The following MYO3B variants were observed in gnomAD, a reference collection of about 807,000 sequenced individuals.
MYO3B encodes the protein myosin IIIB, also known as myosin-IIIb.
MYO3B carries 156 observed loss-of-function variants against 174.6 expected under a neutral mutation model. That is an observed-to-expected ratio of 0.89 (90% CI 0.78 to 1.02). The LOEUF is 1.02. Among genes scored for constraint, MYO3B ranks in the 50% least tolerant of loss-of-function variants. The pLI is 0.00. For missense variants in MYO3B, 1,632 were observed against 1,639.4 expected (o/e 1.00, Z 0.08); for synonymous variants, 563 against 569.1 (o/e 0.99, Z 0.15).
intron 27 of MYO3B, 115 bp from the exon 28 acceptor site, chr2:170,501,670 A>T: frequency 1.5e-6 from 1 of 660,246 alleles, no homozygotes; most frequent in Non-Finnish European, 2.7e-6. Flanking sequence ...GTTCAGTGAG[A>T]AAGCAGGAGG....
rs539947924 is a variant in MYO3B at position 170,407,665 on chromosome 2, A to G, written c.2521-50A>G. The G allele has an allele frequency of 3.1e-6, 5 of 1,609,922 alleles. No individual in the cohort carries two copies. The East Asian group carries it at 6.7e-5, about 22-fold the overall frequency. On this transcript the variant is annotated intron_variant, in intron 21 of 34. Transcript: ENST00000408978. ...GTTAGGCAAGTTGCCAGTGTCACCA[A>G]TGACGGACAGTTGACTTGGCTAATT...
At chr2:170,321,690 C>T (rs1162975469) in intron 7 of MYO3B, among the ~76,000 whole-genome samples, 1 of 152,164 alleles carries the variant, frequency 6.6e-6, no homozygotes, top group Non-Finnish European at 1.5e-5. Context: ...TGCCTGAATA[C>T]TCAGTGTGTT....
intron 7 of MYO3B, among the ~76,000 whole-genome samples, chr2:170,303,768 A>G (rs1344749295): frequency 2.0e-5 from 3 of 152,134 alleles, no homozygotes; most frequent in African/African-American, 4.8e-5. Flanking sequence ...TGGAATATGT[A>G]TCTATTCGTG....
chr2:170,332,161 A>G (rs915036698), intron 7 of MYO3B: 3 of 152,224 alleles, frequency 2.0e-5, no homozygotes, highest in African/African-American at 7.2e-5. Flanking sequence ...TCTGACTTCA[A>G]CAACCGGGTG....
At chr2:170,371,470 C>A (rs1025680352) in intron 9 of MYO3B, among the ~76,000 whole-genome samples, 3 of 151,838 alleles carry the variant, frequency 2.0e-5, no homozygotes, top group African/African-American at 7.3e-5. Context: ...ACACTTTAAA[C>A]AGACACTTCC....
At chr2:170,256,875 T>C (rs929261130) in intron 7 of MYO3B, among the ~76,000 whole-genome samples, 1 of 152,050 alleles carries the variant, frequency 6.6e-6, no homozygotes, top group Non-Finnish European at 1.5e-5. Context: ...TCCCCTGTAA[T>C]GGCACCCATA....
Position 170,401,520 on chromosome 2 carries a change from A to G in MYO3B, c.1958A>G (p.Glu653Gly), listed in dbSNP as rs755152330. ...VLCISPEELQ[E>G]ALTSHCVVTR... Reference sequence around the variant, plus strand: ...TGCATTAGCCCTGAAGAGCTCCAGGAGGCCCTCACCTCCCACTGTGTGGTC... The same window carrying G: ...TGCATTAGCCCTGAAGAGCTCCAGGGGGCCCTCACCTCCCACTGTGTGGTC... The change falls in exon 18 of 35, where the codon GAG becomes GGG. Residue 653 changes from glutamate to glycine, a missense_variant. Transcript: ENST00000408978. The G allele has an allele frequency of 1.9e-5, 30 of 1,614,156 alleles. No individual in the cohort carries two copies. Among genetic ancestry groups the G allele is most frequent in the Non-Finnish European group, 2.4e-5 (28 of 1,180,020 alleles).
chr2:170,190,764 C>T (rs2105318748), intron 1 of MYO3B, among the ~76,000 whole-genome samples: 1 of 152,100 alleles, frequency 6.6e-6, no homozygotes, highest in Non-Finnish European at 1.5e-5. Flanking sequence ...AACCCCTGGC[C>T]CAGGACAGGT....
intron 7 of MYO3B, among the ~76,000 whole-genome samples, chr2:170,329,827 GAGACAC>G: frequency 6.6e-6 from 1 of 152,280 alleles, no homozygotes; most frequent in Middle Eastern, 3.4e-3. Context: ...GCAAGACAGA[GAGACAC>G]AGACACAGAC....
chr2:170,297,748 TA>T (rs2093638019), intron 7 of MYO3B, among the ~76,000 whole-genome samples: 1 of 152,214 alleles, frequency 6.6e-6, no homozygotes, highest in South Asian at 2.1e-4. Context: ...GCACATTTAG[TA>T]AAACACTGAA....
At chr2:170,397,629 C>A (rs1480688402) in intron 16 of MYO3B, among the ~76,000 whole-genome samples, 1 of 152,122 alleles carries the variant, frequency 6.6e-6, no homozygotes, top group African/African-American at 2.4e-5. Context: ...ATTTCTGACA[C>A]CAAATATGTG....
intron 1 of MYO3B, among the ~76,000 whole-genome samples, chr2:170,188,335 G>A (rs556289941): frequency 6.6e-6 from 1 of 152,102 alleles, no homozygotes; most frequent in African/African-American, 2.4e-5. Context: ...GAATCCCAAA[G>A]TAGTTATATT....
At chr2:170,475,384 A>G (rs747696158) in intron 25 of MYO3B, among the ~76,000 whole-genome samples, 3 of 152,116 alleles carry the variant, frequency 2.0e-5, no homozygotes, top group Non-Finnish European at 4.4e-5. Flanking sequence ...CAAGCAACCG[A>G]AGACTACATG....
intron 32 of MYO3B, among the ~76,000 whole-genome samples, chr2:170,636,100 C>G (rs1474137482): frequency 6.6e-6 from 1 of 152,106 alleles, no homozygotes; most frequent in African/African-American, 2.4e-5. Flanking sequence ...GAGCTGTGCC[C>G]CATACTTTAG....
chr2:170,540,979 C>T (rs1467501071), intron 30 of MYO3B, among the ~76,000 whole-genome samples: 2 of 152,152 alleles, frequency 1.3e-5, no homozygotes, highest in African/African-American at 4.8e-5. Flanking sequence ...TGCCTGTAGA[C>T]ACTACTCCCT....
At chr2:170,572,606 T>TAAAA (rs1692512071) in intron 32 of MYO3B, among the ~76,000 whole-genome samples, 1 of 86,774 alleles carries the variant, frequency 1.2e-5, no homozygotes, top group Admixed American at 1.3e-4. Flanking sequence ...TGACCCTATA[T>TAAAA]CAAAAAAAAA....
chr2:170,649,670 T>C (rs1169455035), intron 32 of MYO3B, among the ~76,000 whole-genome samples: 1 of 150,246 alleles, frequency 6.7e-6, no homozygotes, highest in Admixed American at 6.7e-5. Flanking sequence ...CTACAAAAAA[T>C]ACAAAAATTT....
chr2:170,416,888 C>T (rs552859873), intron 22 of MYO3B, among the ~76,000 whole-genome samples: 10 of 146,956 alleles, frequency 6.8e-5, no homozygotes, highest in Admixed American at 2.0e-4. Context: ...TGCAGTGCCG[C>T]GATCTCGGCT....
intron 8 of MYO3B, among the ~76,000 whole-genome samples, chr2:170,368,884 C>A (rs569252530): frequency 1.3e-5 from 2 of 152,282 alleles, no homozygotes; most frequent in South Asian, 4.1e-4. Context: ...CAACTTGACT[C>A]CACTGAAAAT....
Sources: allele counts gnomAD v4.1 joint callset (sites outside exome capture counted in the v4.1 genomes callset), GRCh38; gene constraint gnomAD v4.1.1; transcripts MANE v1.5; gene names NCBI Gene and HGNC (gene_info 2026-07-23, HGNC 2026-07-21).